MSH3: variants seen among roughly 807,000 people sequenced by gnomAD.
MSH3 encodes DNA mismatch repair protein Msh3.
In MSH3, 106 loss-of-function variants were observed where a neutral mutation model predicts 123.3. The observed-to-expected ratio is 0.86, with a 90% CI of 0.73 to 1.01. The LOEUF (loss-of-function observed/expected upper bound fraction) is 1.01, where lower values mean the gene tolerates loss of function less well. Ranked by LOEUF, MSH3 falls within the 50% of genes least tolerant of loss-of-function variation. The pLI is 0.00. For synonymous variants in MSH3, 515 were observed against 481.4 expected (o/e 1.07, Z -0.91); for missense variants, 1,459 against 1,347.6 (o/e 1.08, Z -1.29).
At chr5:80,835,556 CTAAT>C (rs1745493678) in intron 20 of MSH3, among the ~76,000 whole-genome samples, 1 of 152,104 alleles carries the variant, frequency 6.6e-6, no homozygotes, top group African/African-American at 2.4e-5. Flanking sequence ...CATTTTTACA[CTAAT>C]TAGGTCATTG....
chr5:80,840,626 A>G (rs1005453909), intron 20 of MSH3, among the ~76,000 whole-genome samples: 1 of 152,060 alleles, frequency 6.6e-6, no homozygotes, highest in African/African-American at 2.4e-5. Context: ...TTTAAGTTCT[A>G]GGGTACATGT....
chr5:80,692,705 CAT>C (rs1299991866), intron 8 of MSH3, among the ~76,000 whole-genome samples: 2 of 136,026 alleles, frequency 1.5e-5, no homozygotes, highest in Middle Eastern at 0.011. Context: ...TATACATACA[CAT>C]GTATATGTTT....
chr5:80,813,305 TAGGC>T (rs1561486536), intron 19 of MSH3, among the ~76,000 whole-genome samples: 1 of 152,186 alleles, frequency 6.6e-6, no homozygotes, highest in African/African-American at 2.4e-5. Flanking sequence ...AATATGCACA[TAGGC>T]AGATTAAAAA....
At chr5:80,782,924 A>G (rs1235644873) in intron 17 of MSH3, among the ~76,000 whole-genome samples, 5 of 152,212 alleles carry the variant, frequency 3.3e-5, no homozygotes, top group Non-Finnish European at 7.3e-5. Flanking sequence ...GTTGTCAGAA[A>G]TTAAGGCTGT....
chr5:80,807,545 A>G (rs1744913645), intron 19 of MSH3, among the ~76,000 whole-genome samples: 2 of 152,238 alleles, frequency 1.3e-5, no homozygotes, highest in South Asian at 2.1e-4. Context: ...ACCTCCTACT[A>G]CCATGCAGCT....
Position 80,667,029 on chromosome 5 carries a change from C to G in MSH3, c.579+1666C>G, listed in dbSNP as rs184738921. Among the ~76,000 whole-genome samples the G allele has an allele frequency of 1.1e-4, 16 of 152,182 alleles. No individual in the cohort carries two copies. The South Asian group carries it at 1.9e-3, about 18-fold the overall frequency. Reference sequence around the variant, plus strand: ...CAGGTATTAATATGTACAACAAACCCTCATGACACAAGTTTTCCTATATAA... The same window carrying G: ...CAGGTATTAATATGTACAACAAACCGTCATGACACAAGTTTTCCTATATAA... On this transcript the variant is annotated intron_variant, in intron 3 of 23. Coordinates refer to ENST00000265081, the MANE Select transcript of MSH3 (RefSeq NM_002439.5).
chr5:80,863,172 T>C (rs1746042114), intron 21 of MSH3, among the ~76,000 whole-genome samples: 1 of 152,158 alleles, frequency 6.6e-6, no homozygotes, highest in Admixed American at 6.5e-5. Context: ...CACCTACATA[T>C]ACATGGAATA....
At chr5:80,781,295 T>A (rs879682704) in intron 17 of MSH3, among the ~76,000 whole-genome samples, 10 of 152,100 alleles carry the variant, frequency 6.6e-5, no homozygotes, top group Non-Finnish European at 1.2e-4. Flanking sequence ...TCTAGAAGGG[T>A]CCTGGGATTT....
At chr5:80,668,703 T>C (rs1749625420) in intron 3 of MSH3, among the ~76,000 whole-genome samples, 1 of 152,130 alleles carries the variant, frequency 6.6e-6, no homozygotes, top group Admixed American at 6.5e-5. Context: ...TTCTGGGCCC[T>C]TGAGATTGCA....
chr5:80,710,456 A>G (rs996290005), intron 8 of MSH3, among the ~76,000 whole-genome samples: 1 of 152,190 alleles, frequency 6.6e-6, no homozygotes, highest in African/African-American at 2.4e-5. Flanking sequence ...CTTATAATGC[A>G]TATTACAGTC....
At chr5:80,857,940 C>T (rs1420390913) in intron 21 of MSH3, among the ~76,000 whole-genome samples, 1 of 151,974 alleles carries the variant, frequency 6.6e-6, no homozygotes, top group African/African-American at 2.4e-5. Context: ...TTGCTCTTCT[C>T]TTTCTGGTGT....
intron 4 of MSH3, among the ~76,000 whole-genome samples, chr5:80,671,074 G>A (rs947246292): frequency 6.6e-6 from 1 of 151,208 alleles, no homozygotes; most frequent in Non-Finnish European, 1.5e-5. Context: ...AGTGAGCCGA[G>A]ATCCTGCCAT....
At chr5:80,841,253 C>T (rs1209461560) in intron 20 of MSH3, among the ~76,000 whole-genome samples, 1 of 152,162 alleles carries the variant, frequency 6.6e-6, no homozygotes, top group East Asian at 1.9e-4. Flanking sequence ...TTTATGGCTG[C>T]ATAGTATTCC....
At chr5:80,693,518 CATGTATATGTTTATATAAATATAT>C in intron 8 of MSH3, among the ~76,000 whole-genome samples, 1 of 149,430 alleles carries the variant, frequency 6.7e-6, no homozygotes, top group South Asian at 2.1e-4. Flanking sequence ...TAAATATGCA[CATGTATATGTTTATATAAATATAT>C]ATGCACATGT....
rs2112812129 is a variant in MSH3 at position 80,670,105 on chromosome 5, A to C, written c.588A>C (p.Thr196=). 6.2e-7 allele frequency: 1 copy of C among 1,614,084 alleles called. No individual in the cohort carries two copies. The highest frequency in any genetic ancestry group is 1.3e-5 in the African/African-American group (1 of 75,046). ...CATCTTTTGGTTGCCAGGACACAAC[A>C]CTTTTTGATCTCAGTCAGTTTGGAT... is the stretch of plus-strand genomic sequence containing the variant. ...SKRQINQKDT[T]LFDLSQFGSS... is the part of the protein sequence containing the mutation. The change falls in exon 4 of 24, where the codon ACA becomes ACC. Residue 196 remains threonine, a synonymous_variant. Coordinates refer to ENST00000265081, the MANE Select transcript of MSH3 (RefSeq NM_002439.5).
intron 10 of MSH3, among the ~76,000 whole-genome samples, chr5:80,735,274 C>T (rs1213666380): frequency 6.7e-6 from 1 of 149,648 alleles, no homozygotes; most frequent in Non-Finnish European, 1.5e-5. Context: ...ATCCTAGCTA[C>T]TTGAGAGGCT....
chr5:80,792,989 C>T (rs565067320), intron 19 of MSH3, 145 bp downstream of exon 19: 96 of 617,172 alleles, frequency 1.6e-4, no homozygotes, highest in South Asian at 1.4e-3. Context: ...ATATTTACCA[C>T]GAAATGTGGA....
At chr5:80,772,428 C>T (rs150984404) in intron 15 of MSH3, among the ~76,000 whole-genome samples, 4 of 152,154 alleles carry the variant, frequency 2.6e-5, no homozygotes, top group Non-Finnish European at 4.4e-5. Context: ...GTAAGAGTTT[C>T]GGCAAGCCTA....
At chr5:80,852,948 C>T (rs1303623040) in intron 20 of MSH3, among the ~76,000 whole-genome samples, 2 of 152,208 alleles carry the variant, frequency 1.3e-5, no homozygotes, top group African/African-American at 4.8e-5. Context: ...CCAGCATTCA[C>T]AAAGCTGGCT....
Sources: allele counts gnomAD v4.1 joint callset (sites outside exome capture counted in the v4.1 genomes callset), GRCh38; gene constraint gnomAD v4.1.1; transcripts MANE v1.5; gene names NCBI Gene and HGNC (gene_info 2026-07-23, HGNC 2026-07-21).